IQCJ: variants seen among roughly 807,000 people sequenced by gnomAD.
The protein encoded by IQCJ is IQ domain-containing protein J.
A neutral mutation model predicts 11.0 loss-of-function variants in IQCJ; 9 were observed. The ratio of observed to expected loss-of-function variants is 0.82; its 90% CI spans 0.49 to 1.43. IQCJ has a LOEUF of 1.43. Ranked by LOEUF, IQCJ falls within the 40% of genes most tolerant of loss-of-function variation. The pLI is 0.00. For synonymous variants in IQCJ, 55 were observed against 51.3 expected, an observed-to-expected ratio of 1.07 and a Z score of -0.31; for missense variants, 146 against 133.2, an observed-to-expected ratio of 1.10 and a Z score of -0.47.
chr3:159,188,555 T>G (rs1261890975), intron 1 of IQCJ, among the ~76,000 whole-genome samples: 9 of 152,254 alleles, frequency 5.9e-5, no homozygotes, highest in Non-Finnish European at 4.4e-5. Context: ...CCCCTATTAT[T>G]AACATTTTAC....
chr3:159,177,599 G>A (rs1305454492), intron 1 of IQCJ, among the ~76,000 whole-genome samples: 1 of 152,194 alleles, frequency 6.6e-6, no homozygotes, highest in Non-Finnish European at 1.5e-5. Context: ...ACCAGAGCTG[G>A]AGGGAAGCAT....
intron 3 of IQCJ, among the ~76,000 whole-genome samples, chr3:159,255,797 G>A (rs1727862722): frequency 6.6e-6 from 1 of 152,212 alleles, no homozygotes; most frequent in Non-Finnish European, 1.5e-5. Flanking sequence ...GGCATTTGGG[G>A]GAGGTAAAAG....
intron 1 of IQCJ, among the ~76,000 whole-genome samples, chr3:159,136,844 A>T (rs1180159205): frequency 1.3e-5 from 2 of 152,236 alleles, no homozygotes; most frequent in Non-Finnish European, 2.9e-5. Flanking sequence ...ATTTAATCCA[A>T]GAAGGGAAGA....
intron 1 of IQCJ, among the ~76,000 whole-genome samples, chr3:159,121,690 A>G (rs191558840): frequency 1.3e-5 from 2 of 152,270 alleles, no homozygotes; most frequent in African/African-American, 4.8e-5. Flanking sequence ...TTGGTTAACT[A>G]TCATAGAAGC....
intron 1 of IQCJ, among the ~76,000 whole-genome samples, chr3:159,105,129 A>G (rs1449291307): frequency 1.3e-5 from 2 of 152,262 alleles, no homozygotes; most frequent in Non-Finnish European, 2.9e-5. Context: ...AAGTAATAGC[A>G]TTTCCATGTT....
At chr3:159,153,989 A>T (rs1217168854) in intron 1 of IQCJ, among the ~76,000 whole-genome samples, 2 of 152,180 alleles carry the variant, frequency 1.3e-5, no homozygotes, top group African/African-American at 2.4e-5. Context: ...GTAAGTCTCA[A>T]ATCATTCTTA....
chr3:159,212,321 G>A (rs1008426472), intron 1 of IQCJ, among the ~76,000 whole-genome samples: 1 of 152,130 alleles, frequency 6.6e-6, no homozygotes, highest in African/African-American at 2.4e-5. Flanking sequence ...GTGGTCCTAT[G>A]CCAGTCAACC....
intron 1 of IQCJ, among the ~76,000 whole-genome samples, chr3:159,153,888 A>G (rs893841663): frequency 6.6e-6 from 1 of 152,190 alleles, no homozygotes; most frequent in African/African-American, 2.4e-5. Context: ...AGAGTTGGCT[A>G]TGGCGTCAGT....
intron 1 of IQCJ, among the ~76,000 whole-genome samples, chr3:159,175,152 C>T (rs964857939): frequency 6.6e-6 from 1 of 152,124 alleles, no homozygotes; most frequent in Non-Finnish European, 1.5e-5. Context: ...CAAATGTATA[C>T]AGTCATGTAA....
At chr3:159,234,922 A>G (rs540945727) in intron 1 of IQCJ, among the ~76,000 whole-genome samples, 19 of 152,334 alleles carry the variant, frequency 1.2e-4, no homozygotes, top group Non-Finnish European at 2.4e-4. Context: ...GGTGTTTGCT[A>G]CACTACAACA....
At chr3:159,190,269 T>C (rs143111396) in intron 1 of IQCJ, among the ~76,000 whole-genome samples, 320 of 152,312 alleles carry the variant, frequency 2.1e-3, no homozygotes, top group African/African-American at 7.4e-3. Context: ...TCTCAGCATA[T>C]AATCAAGAAA....
intron 1 of IQCJ, among the ~76,000 whole-genome samples, chr3:159,184,191 A>C (rs1485745402): frequency 6.6e-6 from 1 of 151,914 alleles, no homozygotes; most frequent in Non-Finnish European, 1.5e-5. Context: ...TACTATACTT[A>C]GGTTATGTTT....
intron 1 of IQCJ, among the ~76,000 whole-genome samples, chr3:159,218,782 C>A (rs1032714419): frequency 6.6e-6 from 1 of 152,092 alleles, no homozygotes; most frequent in African/African-American, 2.4e-5. Flanking sequence ...AACTTAGTGG[C>A]TTAAACCAAC....
intron 1 of IQCJ, among the ~76,000 whole-genome samples, chr3:159,202,334 T>C (rs930454607): frequency 7.2e-5 from 11 of 152,200 alleles, no homozygotes; most frequent in Non-Finnish European, 1.0e-4. Context: ...CAGCATCATT[T>C]TCTAAACACA....
At chr3:159,248,771 C>T (rs1455571517) in intron 2 of IQCJ, among the ~76,000 whole-genome samples, 6 of 152,178 alleles carry the variant, frequency 3.9e-5, no homozygotes, top group Non-Finnish European at 8.8e-5. Flanking sequence ...ATAATCTCCT[C>T]ATGCAGCTTA....
intron 1 of IQCJ, among the ~76,000 whole-genome samples, chr3:159,206,737 C>T (rs1724676495): frequency 6.6e-6 from 1 of 152,290 alleles, no homozygotes; most frequent in East Asian, 1.9e-4. Context: ...ACCCCATATC[C>T]TTTTGATACA....
chr3:159,085,861 A>T (rs374730329), intron 1 of IQCJ, among the ~76,000 whole-genome samples: 1 of 148,936 alleles, frequency 6.7e-6, no homozygotes, highest in South Asian at 2.1e-4. Flanking sequence ...CTCCCATTTT[A>T]TAGGTTGCCT....
chr3:159,229,524 C>T (rs1234404742), intron 1 of IQCJ, among the ~76,000 whole-genome samples: 1 of 151,898 alleles, frequency 6.6e-6, no homozygotes, highest in Non-Finnish European at 1.5e-5. Flanking sequence ...ATTGCAGCCC[C>T]ATCCATAGCA....
intron 1 of IQCJ, among the ~76,000 whole-genome samples, chr3:159,152,610 T>C (rs1039492149): frequency 6.6e-6 from 1 of 152,244 alleles, no homozygotes. Context: ...CTTTGCTGTA[T>C]TTTTTGAGAA....
Sources: gnomAD v4.1 joint callset for allele counts (sites outside exome capture counted in the v4.1 genomes callset) on GRCh38, gnomAD v4.1.1 for gene constraint, MANE v1.5 for transcripts, NCBI Gene and HGNC (gene_info 2026-07-23, HGNC 2026-07-21) for gene names.